EYS: variants seen among roughly 807,000 people sequenced by gnomAD.
EYS encodes protein eyes shut homolog.
A neutral mutation model predicts 282.1 loss-of-function variants in EYS; 250 were observed. That is an observed-to-expected ratio of 0.89 (90% CI 0.80 to 0.98). The LOEUF (loss-of-function observed/expected upper bound fraction) is 0.98, where lower values mean the gene tolerates loss of function less well. Among genes scored for constraint, EYS ranks in the 50% least tolerant of loss-of-function variants. The pLI, the probability that EYS is intolerant of heterozygous loss-of-function variation, is 0.00. For missense variants in EYS, 4,016 were observed against 3,709.0 expected, an observed-to-expected ratio of 1.08 and a Z score of -2.15; for synonymous variants, 1,355 against 1,282.9, an observed-to-expected ratio of 1.06 and a Z score of -1.20.
chr6:65,291,044 G>C (rs1370715270), intron 12 of EYS, among the ~76,000 whole-genome samples: 1 of 151,212 alleles, frequency 6.6e-6, no homozygotes, highest in Non-Finnish European at 1.5e-5. Flanking sequence ...ATAATAAAAA[G>C]AAAATAAAAA....
intron 35 of EYS, among the ~76,000 whole-genome samples, chr6:63,982,630 A>G (rs189755958): frequency 6.6e-6 from 1 of 151,852 alleles, no homozygotes; most frequent in East Asian, 1.9e-4. Flanking sequence ...TTACACTTCT[A>G]TGTAGTCTAA....
At chr6:65,230,143 A>G (rs1766730039) in intron 12 of EYS, among the ~76,000 whole-genome samples, 1 of 151,916 alleles carries the variant, frequency 6.6e-6, no homozygotes, top group Admixed American at 6.6e-5. Flanking sequence ...AGTTTAAACA[A>G]CTGTTCTTCT....
chr6:64,935,895 C>T (rs1195390528), intron 15 of EYS, among the ~76,000 whole-genome samples: 1 of 151,588 alleles, frequency 6.6e-6, no homozygotes, highest in Non-Finnish European at 1.5e-5. Context: ...AACACCAATC[C>T]TTCTGCAACT....
intron 26 of EYS, among the ~76,000 whole-genome samples, chr6:64,468,896 T>C (rs1294678457): frequency 6.6e-6 from 1 of 152,230 alleles, no homozygotes; most frequent in Non-Finnish European, 1.5e-5. Context: ...CTTTATCCAG[T>C]CTGCCATTGA....
intron 12 of EYS, among the ~76,000 whole-genome samples, chr6:65,136,928 C>T (rs1347230253): frequency 5.3e-5 from 8 of 152,050 alleles, no homozygotes; most frequent in Admixed American, 1.3e-4. Flanking sequence ...GCAATCTGCC[C>T]ACCTCGGCCT....
intron 35 of EYS, among the ~76,000 whole-genome samples, chr6:63,911,096 T>G (rs1221369425): frequency 6.7e-6 from 1 of 148,718 alleles, no homozygotes; most frequent in Admixed American, 6.8e-5. Context: ...CAGAAAATTA[T>G]GAAATCTAGG....
intron 41 of EYS, among the ~76,000 whole-genome samples, chr6:63,740,686 CTG>C (rs1309655182): frequency 1.3e-5 from 2 of 152,152 alleles, no homozygotes; most frequent in Non-Finnish European, 2.9e-5. Context: ...AGAATGGATT[CTG>C]TGTTTTGAAA....
At chr6:64,197,034 T>G (rs1765312439) in intron 31 of EYS, among the ~76,000 whole-genome samples, 1 of 152,162 alleles carries the variant, frequency 6.6e-6, no homozygotes, top group Non-Finnish European at 1.5e-5. Context: ...TTATTCTTTA[T>G]TTTTCCTTGT....
intron 5 of EYS, among the ~76,000 whole-genome samples, chr6:65,412,002 T>C (rs1304397894): frequency 6.6e-6 from 1 of 151,978 alleles, no homozygotes; most frequent in Non-Finnish European, 1.5e-5. Flanking sequence ...ATACAATAGA[T>C]TTGGGGTGGG....
intron 15 of EYS, among the ~76,000 whole-genome samples, chr6:64,927,563 C>T (rs183987091): frequency 5.9e-5 from 9 of 152,008 alleles, no homozygotes; most frequent in Non-Finnish European, 1.2e-4. Flanking sequence ...ACTGAACAAC[C>T]CTTTCATCAC....
chr6:65,134,770 A>T (rs1181689812), intron 12 of EYS, among the ~76,000 whole-genome samples: 2 of 152,054 alleles, frequency 1.3e-5, no homozygotes, highest in African/African-American at 2.4e-5. Flanking sequence ...GGAAAGATCA[A>T]TTTATCATTA....
rs983603381 is a variant in EYS at position 63,726,601 on chromosome 6, C to A, written c.8151G>T (p.Lys2717Asn). The change falls in exon 42 of 43, where the codon AAG becomes AAT. Residue 2717 changes from lysine to asparagine, a missense_variant. Transcript: ENST00000503581. ...MSFASFHVRK[K>N]THIQLQFQPL... The stretch of plus-strand genomic sequence containing the variant: ...GCTGAAACTGCAATTGAATATGTGT[C>A]TTTTTTCGAACATGAAAGGAAGCAA... 9 of 1,551,056 alleles carry A rather than the reference C, an allele frequency of 5.8e-6. No homozygotes were observed. The highest frequency in any genetic ancestry group is 1.4e-5 in the African/African-American group (1 of 73,006).
At chr6:63,739,235 C>T (rs912887585) in intron 41 of EYS, among the ~76,000 whole-genome samples, 1 of 152,112 alleles carries the variant, frequency 6.6e-6, no homozygotes, top group Non-Finnish European at 1.5e-5. Context: ...TTTCTAGAAG[C>T]AGACTCTGGG....
intron 26 of EYS, among the ~76,000 whole-genome samples, chr6:64,503,099 A>G (rs1777103679): frequency 6.6e-6 from 1 of 152,270 alleles, no homozygotes; most frequent in Admixed American, 6.5e-5. Context: ...CTGTCAAGAC[A>G]CAACATACAC....
At chr6:64,091,277 T>C (rs142953058) in intron 31 of EYS, among the ~76,000 whole-genome samples, 4,397 of 152,220 alleles carry the variant, frequency 0.029, 226 homozygotes, top group African/African-American at 0.1. Flanking sequence ...CACATTGCCG[T>C]TGATTTATAT....
intron 19 of EYS, among the ~76,000 whole-genome samples, chr6:64,860,485 G>A (rs1465013721): frequency 1.3e-5 from 2 of 152,216 alleles, no homozygotes; most frequent in Non-Finnish European, 2.9e-5. Context: ...TCCCTGTGTG[G>A]TTGTGACTGG....
intron 12 of EYS, among the ~76,000 whole-genome samples, chr6:65,224,254 A>G (rs1766557131): frequency 6.6e-6 from 1 of 152,194 alleles, no homozygotes; most frequent in Non-Finnish European, 1.5e-5. Flanking sequence ...AGATAAAAGG[A>G]ACAAAAAAGT....
chr6:65,625,235 T>C (rs1766651643), intron 2 of EYS, among the ~76,000 whole-genome samples: 2 of 152,204 alleles, frequency 1.3e-5, no homozygotes, highest in South Asian at 4.1e-4. Flanking sequence ...GATTATCTTA[T>C]ATTCCCCGAA....
At position 64,463,243 on chromosome 6, in the gene EYS, G is replaced by A. The variant is rs556552442; in HGVS notation, c.5645-23891C>T. 5.9e-5 allele frequency among the ~76,000 whole-genome samples: 9 copies of A among 152,202 alleles called. No homozygotes were observed. The South Asian group carries it at 6.2e-4, about 11-fold the overall frequency. Reference sequence around the variant, plus strand: ...TGGGATTACAGGCGTGAGCCACTGCGCCTGGCCTCTCAGCTTTAAAGGTAC... The same window carrying A: ...TGGGATTACAGGCGTGAGCCACTGCACCTGGCCTCTCAGCTTTAAAGGTAC... On this transcript the variant is annotated intron_variant, in intron 26 of 42. Coordinates refer to ENST00000503581, the MANE Select transcript of EYS (RefSeq NM_001142800.2).
Sources: allele counts gnomAD v4.1 joint callset (sites outside exome capture counted in the v4.1 genomes callset), GRCh38; gene constraint gnomAD v4.1.1; transcripts MANE v1.5; gene names NCBI Gene and HGNC (gene_info 2026-07-23, HGNC 2026-07-21).